Variants in UNKL observed in about 807,000 individuals in gnomAD.
The protein encoded by UNKL is putative E3 ubiquitin-protein ligase UNKL.
UNKL carries 60 observed loss-of-function variants against 78.0 expected under a neutral mutation model. The ratio of observed to expected loss-of-function variants is 0.77; its 90% CI spans 0.63 to 0.95. The LOEUF (loss-of-function observed/expected upper bound fraction) is 0.95. Ranked by LOEUF, UNKL falls within the 40% of genes least tolerant of loss-of-function variation. The probability of loss-of-function intolerance (pLI) is 0.00; values close to 1 mark genes in which losing one functional copy is unlikely to be tolerated. For missense variants in UNKL, 1,159 were observed against 1,045.7 expected (o/e 1.11, Z -1.49); for synonymous variants, 608 against 474.8 (o/e 1.28, Z -3.65).
intron 10 of UNKL, among the ~76,000 whole-genome samples, chr16:1,374,110 G>A (rs549747829): frequency 6.3e-5 from 6 of 95,266 alleles, no homozygotes; most frequent in African/African-American, 2.4e-4. Context: ...AGGGACTGCC[G>A]GCCAACACCG....
At chr16:1,390,570 C>A (rs545650681) in intron 9 of UNKL, 62 bp downstream of exon 9, 3 of 1,511,548 alleles carry the variant, frequency 2.0e-6, no homozygotes, top group African/African-American at 2.8e-5. Context: ...GGCACGAGGG[C>A]GGGAAGCCTC....
In UNKL at chr16:1,403,117, G is replaced by C; in HGVS notation, c.464+51C>G. ...TTGCCGAGTTCCTGCTCATCCAGCAGAGCCCACAGCAGCAGGCAGGCCAAG... is the reference window on the plus strand; with the variant it reads ...TTGCCGAGTTCCTGCTCATCCAGCACAGCCCACAGCAGCAGGCAGGCCAAG... On this transcript the variant is annotated intron_variant, in intron 3 of 14. Transcript: ENST00000389221. This position sits in a 1 kb window ranked among gnomAD's most constrained non-coding sequence, Gnocchi z 4.8. 1 of 1,559,380 alleles carries C rather than the reference G, an allele frequency of 6.4e-7. No homozygotes were observed. The highest frequency in any genetic ancestry group is 8.7e-7 in the Non-Finnish European group (1 of 1,151,984).
chr16:1,375,121 ACCC>A (rs1054956841), intron 10 of UNKL, among the ~76,000 whole-genome samples: 6 of 151,872 alleles, frequency 4.0e-5, no homozygotes, highest in African/African-American at 1.4e-4. Flanking sequence ...CGGCGGTCAC[ACCC>A]CCCGAGCCCC....
intron 10 of UNKL, 109 bp from the exon 11 acceptor site, chr16:1,371,720 C>A: frequency 8.5e-7 from 1 of 1,176,538 alleles, no homozygotes; most frequent in Non-Finnish European, 1.2e-6. Context: ...AGACCAAGGG[C>A]AGAAGGCGTG....
At chr16:1,366,459 C>T (rs556024444) in intron 14 of UNKL, 64 bp from the exon 15 acceptor site, 55 of 1,481,098 alleles carry the variant, frequency 3.7e-5, no homozygotes, top group Admixed American at 2.5e-4. Flanking sequence ...GCTGGGGAGC[C>T]GGAGGGCCTT....
intron 2 of UNKL, chr16:1,408,339 G>T (rs1000319282): frequency 8.5e-5 from 13 of 152,444 alleles, no homozygotes; most frequent in African/African-American, 3.1e-4. Flanking sequence ...TCGCGGGCGC[G>T]CAGCGGAGGG....
At position 1,413,988 on chromosome 16, in the gene UNKL, G is replaced by C; in HGVS notation, c.145C>G (p.Pro49Ala). ...AAGTGCCAGTGGAAGCAGGTGAACG[G>C]CCGGTGCTGCGCGCACTTGTGCTGT... ...FSQHKCAQHR[P>A]FTCFHWHFLN... The change falls in exon 2 of 15, where the codon CCG (proline) becomes GCG (alanine). Residue 49 changes from proline (P) to alanine (A), a missense_variant. Physicochemically the swap from Pro to Ala is conservative, Grantham distance 27. Transcript: ENST00000389221. 2 of 1,552,058 alleles carry C rather than the reference G, an allele frequency of 1.3e-6. No homozygotes were observed. Among genetic ancestry groups the C allele is most frequent in the Non-Finnish European group, 1.7e-6 (2 of 1,147,590 alleles).
intron 2 of UNKL, among the ~76,000 whole-genome samples, chr16:1,408,255 G>C (rs1027312110): frequency 7.3e-5 from 5 of 68,278 alleles, no homozygotes; most frequent in Non-Finnish European, 1.2e-4. Context: ...GCCCACATGG[G>C]AGCTGCCCCC....
At chr16:1,381,063 G>C (rs984279089) in intron 10 of UNKL, among the ~76,000 whole-genome samples, 1 of 152,162 alleles carries the variant, frequency 6.6e-6, no homozygotes, top group Non-Finnish European at 1.5e-5. Context: ...AGATACGAAA[G>C]AATGGTTGGA....
In UNKL at chr16:1,403,169, T is replaced by G; in HGVS notation, c.463A>C (p.Arg155=). Residue 155 remains arginine, a splice_region_variant and synonymous_variant, in exon 3 of 15, where the codon AGG becomes CGG. Coordinates refer to ENST00000389221, the MANE Select transcript of UNKL (RefSeq NM_001372107.1). The surrounding 1 kb of genome is among the most constrained non-coding windows in gnomAD (Gnocchi z 4.8). ...GCCCACTCGTGGATGCCCACTCACC[T>G]GACGTCACACACGGGCGGCCGCAGG... ...LDLRPPVCDV[R]ELQAQEALQN... 6.2e-7 allele frequency: 1 copy of G among 1,610,588 alleles called. No individual in the cohort carries two copies. Among genetic ancestry groups the G allele is most frequent in the South Asian group, 1.1e-5 (1 of 90,808 alleles).
At chr16:1,404,597 C>T (rs113906788) in intron 2 of UNKL, among the ~76,000 whole-genome samples, 107 of 152,306 alleles carry the variant, frequency 7.0e-4, no homozygotes, top group African/African-American at 2.5e-3. Context: ...TGGTACCCAG[C>T]GATCCTGCTC....
In UNKL at chr16:1,367,770, T is replaced by TG. The variant is rs1567197334; in HGVS notation, c.1673dup (p.Ser559IlefsTer11). 1.9e-6 allele frequency: 3 copies of TG among 1,572,040 alleles called. No homozygotes were observed. The highest frequency in any genetic ancestry group is 2.6e-6 in the Non-Finnish European group (3 of 1,159,218). On this transcript the variant is annotated frameshift_variant, in exon 13 of 15. Coordinates refer to ENST00000389221, the MANE Select transcript of UNKL (RefSeq NM_001372107.1). LOFTEE classifies it high-confidence loss of function. Reference sequence around the variant, plus strand: ...CGTTTGGACTTGCACTCGAAGAGGATGGGGGGCCGGCACTCAGGATGGGGG... The same window carrying TG: ...CGTTTGGACTTGCACTCGAAGAGGATGGGGGGGCCGGCACTCAGGATGGGGG...
At chr16:1,376,801 G>A (rs1301028909) in intron 10 of UNKL, among the ~76,000 whole-genome samples, 1 of 152,100 alleles carries the variant, frequency 6.6e-6, no homozygotes, top group East Asian at 1.9e-4. Flanking sequence ...GTCAGGCCCA[G>A]TAAGAGATTA....
chr16:1,390,605 A>G, intron 9 of UNKL, 27 bp downstream of exon 9: 1 of 1,535,512 alleles, frequency 6.5e-7, no homozygotes, highest in Non-Finnish European at 8.7e-7. Flanking sequence ...ATCAGGCACG[A>G]GGGTGGGAAA....
At chr16:1,407,706 AAAAG>A (rs1003288579) in intron 2 of UNKL, among the ~76,000 whole-genome samples, 3 of 149,108 alleles carry the variant, frequency 2.0e-5, no homozygotes, top group African/African-American at 7.4e-5. Context: ...AAAAAAAAAA[AAAAG>A]GACAAACCTG....
chr16:1,370,584 TCCAA>T (rs2035725067), intron 11 of UNKL, among the ~76,000 whole-genome samples: 1 of 152,092 alleles, frequency 6.6e-6, no homozygotes, highest in Admixed American at 6.5e-5. Flanking sequence ...TCAAAGGGAT[TCCAA>T]CCAGAGGTGG....
intron 10 of UNKL, among the ~76,000 whole-genome samples, chr16:1,371,826 G>C (rs1475394425): frequency 6.6e-6 from 1 of 152,224 alleles, no homozygotes; most frequent in East Asian, 1.9e-4. Flanking sequence ...GGCAAAACGA[G>C]CGTGCTCAGG....
intron 9 of UNKL, among the ~76,000 whole-genome samples, chr16:1,388,748 C>T (rs1291119702): frequency 2.6e-5 from 4 of 152,092 alleles, no homozygotes; most frequent in South Asian, 4.1e-4. Flanking sequence ...CCGTTCTCCC[C>T]GTGGGGACGC....
At chr16:1,405,829 A>G (rs1339487049) in intron 2 of UNKL, 2 of 411,826 alleles carry the variant, frequency 4.9e-6, no homozygotes, top group East Asian at 1.4e-4. Context: ...AATGCCCTGG[A>G]CCCACCGAGA....
Sources: allele counts gnomAD v4.1 joint callset (sites outside exome capture counted in the v4.1 genomes callset), GRCh38; gene constraint gnomAD v4.1.1; non-coding constraint Gnocchi (gnomAD v3.1); transcripts MANE v1.5; gene names NCBI Gene and HGNC (gene_info 2026-07-23, HGNC 2026-07-21).